Variants in LARS1 observed in about 807,000 individuals in gnomAD.
The protein encoded by LARS1 is leucine--tRNA ligase, cytoplasmic.
Under a neutral mutation model 162.8 loss-of-function variants are expected in LARS1, and 100 were observed. The ratio of observed to expected loss-of-function variants is 0.61; its 90% confidence interval spans 0.52 to 0.73. LARS1 has a LOEUF of 0.73. Among genes scored for constraint, LARS1 ranks in the 30% least tolerant of loss-of-function variants. The pLI is 0.00. For missense variants in LARS1, 1,258 were observed against 1,408.9 expected (o/e 0.89, Z 1.71); for synonymous variants, 457 against 462.8 (o/e 0.99, Z 0.16).
chr5:146,162,587 G>A (rs1483312401), intron 6 of LARS1, among the ~76,000 whole-genome samples: 3 of 152,154 alleles, frequency 2.0e-5, no homozygotes, highest in Non-Finnish European at 4.4e-5. Flanking sequence ...AATGGTAAAT[G>A]AGCACTAGTT....
Position 146,168,222 on chromosome 5 carries a change from C to G in LARS1, c.338G>C (p.Cys113Ser). The change falls in exon 5 of 32, where the codon TGC becomes TCC. Residue 113 changes from cysteine to serine, a missense_variant. Coordinates refer to ENST00000394434, the MANE Select transcript of LARS1 (RefSeq NM_020117.11). ...TTCTTCATCTGGAAAATCAGGGGGGCAACCATACAGCTCTATTTCTCTTTT... is the reference window on the plus strand; with the variant it reads ...TTCTTCATCTGGAAAATCAGGGGGGGAACCATACAGCTCTATTTCTCTTTT... ...KLKREIELYG[C>S]PPDFPDEEEE... The G allele has an allele frequency of 6.2e-7, 1 of 1,613,474 alleles. No individual in the cohort carries two copies. Among genetic ancestry groups the G allele is most frequent in the Non-Finnish European group, 8.5e-7 (1 of 1,179,630 alleles).
chr5:146,125,002 T>TATACAC (rs1751984007), intron 28 of LARS1, among the ~76,000 whole-genome samples: 1 of 150,834 alleles, frequency 6.6e-6, no homozygotes. Context: ...TATCATTTTA[T>TATACAC]ACACACACAC....
intron 24 of LARS1, 129 bp from the exon 25 acceptor site, chr5:146,130,287 C>T: frequency 1.2e-6 from 1 of 860,988 alleles, no homozygotes; most frequent in Non-Finnish European, 1.8e-6. Context: ...TAACAAATTA[C>T]TGTAAAGGTT....
At chr5:146,142,320 T>G (rs776219521) in intron 20 of LARS1, among the ~76,000 whole-genome samples, 17 of 152,238 alleles carry the variant, frequency 1.1e-4, no homozygotes, top group Non-Finnish European at 1.8e-4. Flanking sequence ...CTTCGTTTTA[T>G]TGTTGAAGGA....
At chr5:146,175,985 T>C (rs1754543074) in intron 2 of LARS1, among the ~76,000 whole-genome samples, 2 of 150,852 alleles carry the variant, frequency 1.3e-5, no homozygotes, top group African/African-American at 2.4e-5. Context: ...CAAGACCCTG[T>C]CTCTAAGAAA....
chr5:146,126,771 G>C (rs1390632684), intron 27 of LARS1, among the ~76,000 whole-genome samples: 1 of 152,036 alleles, frequency 6.6e-6, no homozygotes, highest in Non-Finnish European at 1.5e-5. Context: ...GTTTAGAAGA[G>C]AAAAAGAAGT....
chr5:146,121,926 G>A (rs1404091168), intron 30 of LARS1, among the ~76,000 whole-genome samples: 1 of 152,046 alleles, frequency 6.6e-6, no homozygotes, highest in African/African-American at 2.4e-5. Context: ...GTATACCTAT[G>A]TAACAAACCT....
chr5:146,180,059 T>C (rs1429058338), intron 1 of LARS1, among the ~76,000 whole-genome samples: 1 of 152,218 alleles, frequency 6.6e-6, no homozygotes, highest in Non-Finnish European at 1.5e-5. Flanking sequence ...CAAAGTACAA[T>C]GCCACAGACA....
intron 3 of LARS1, 103 bp downstream of exon 3, chr5:146,172,584 T>A: frequency 1.9e-6 from 1 of 513,400 alleles, no homozygotes. Flanking sequence ...GAATTTTAAG[T>A]TCTCTTAACA....
intron 24 of LARS1, chr5:146,130,414 GAAC>G: frequency 2.2e-6 from 1 of 457,132 alleles, no homozygotes; most frequent in Non-Finnish European, 3.9e-6. Flanking sequence ...CATAAAAGTT[GAAC>G]AACTTTAACT....
At chr5:146,143,151 C>T (rs943201844) in intron 19 of LARS1, 67 bp from the exon 20 acceptor site, 1 of 930,826 alleles carries the variant, frequency 1.1e-6, no homozygotes, top group South Asian at 2.9e-5. Flanking sequence ...AGAATCAGTA[C>T]CTGAATCGAA....
chr5:146,151,057 G>A (rs2126513012), intron 14 of LARS1, among the ~76,000 whole-genome samples: 1 of 151,738 alleles, frequency 6.6e-6, no homozygotes, highest in South Asian at 2.1e-4. Context: ...CTAATCTCAA[G>A]TAAATCAGTT....
intron 22 of LARS1, among the ~76,000 whole-genome samples, chr5:146,134,885 G>A (rs1456229202): frequency 6.6e-6 from 1 of 152,174 alleles, no homozygotes; most frequent in East Asian, 1.9e-4. Flanking sequence ...GGAGATGGAG[G>A]TTGCAGTGAG....
chr5:146,132,773 A>G (rs1752338730), intron 23 of LARS1, 125 bp downstream of exon 23: 1 of 710,636 alleles, frequency 1.4e-6, no homozygotes, highest in Non-Finnish European at 2.2e-6. Flanking sequence ...TTCAATGAAC[A>G]CTAGCTATTA....
chr5:146,144,918 A>G (rs1752947001), intron 15 of LARS1, among the ~76,000 whole-genome samples: 2 of 152,164 alleles, frequency 1.3e-5, no homozygotes, highest in Admixed American at 1.3e-4. Flanking sequence ...ATCTTCATCA[A>G]GTGGATCACT....
chr5:146,132,366 T>C (rs1417577220), intron 23 of LARS1: 1 of 152,420 alleles, frequency 6.6e-6, no homozygotes, highest in Non-Finnish European at 1.5e-5. Context: ...TTGTCTCTAT[T>C]ATTGTGCTTA....
At chr5:146,154,381 T>C (rs936053306) in intron 10 of LARS1, among the ~76,000 whole-genome samples, 2 of 152,230 alleles carry the variant, frequency 1.3e-5, no homozygotes, top group African/African-American at 4.8e-5. Context: ...AAATGGTAAG[T>C]ACGTAAGGTA....
At chr5:146,119,720 TA>T (rs1296544206) in intron 31 of LARS1, among the ~76,000 whole-genome samples, 7 of 152,216 alleles carry the variant, frequency 4.6e-5, no homozygotes, top group Non-Finnish European at 1.0e-4. Context: ...TTCTTGATAA[TA>T]AGTTAAGATT....
chr5:146,123,938 T>C, intron 29 of LARS1, 44 bp downstream of exon 29: 2 of 1,003,292 alleles, frequency 2.0e-6, no homozygotes, highest in Non-Finnish European at 3.1e-6. Context: ...TGGATTATGG[T>C]TTAACTACAG....
Sources: gnomAD v4.1 joint callset for allele counts (sites outside exome capture counted in the v4.1 genomes callset) on GRCh38, gnomAD v4.1.1 for gene constraint, MANE v1.5 for transcripts, NCBI Gene and HGNC (gene_info 2026-07-23, HGNC 2026-07-21) for gene names.